KAZN: variants seen among roughly 807,000 people sequenced by gnomAD.
KAZN encodes kazrin.
In KAZN, 40 loss-of-function variants were observed where a neutral mutation model predicts 87.4. That is an observed-to-expected ratio of 0.46 (90% CI 0.36 to 0.60). The LOEUF (loss-of-function observed/expected upper bound fraction) is 0.60. Ranked by LOEUF, KAZN falls within the 20% of genes least tolerant of loss-of-function variation. KAZN has a pLI of 0.00. For synonymous variants in KAZN, 466 were observed against 458.3 expected (o/e 1.02, Z -0.22); for missense variants, 898 against 1,073.9 (o/e 0.84, Z 2.29).
rs112850882 is a variant in KAZN, at chr1:14,638,269, G to A, written c.226+39046G>A. ...CAACCCACAACGTGTGTGCACGTGCGCAAAAAATAACTGGGGTGGTGGGGC... is the reference window on the plus strand; with the variant it reads ...CAACCCACAACGTGTGTGCACGTGCACAAAAAATAACTGGGGTGGTGGGGC... On this transcript the variant is annotated intron_variant, in intron 1 of 14. Transcript: ENST00000376030. 7.3e-3 allele frequency among the ~76,000 whole-genome samples: 1,105 copies of A among 152,138 alleles called. 15 individuals carry two copies. Among genetic ancestry groups the A allele is most frequent in the African/African-American group, 0.025 (1,022 of 41,524 alleles).
chr1:14,416,895 G>A (rs1415998965), intron 2 of KAZN, among the ~76,000 whole-genome samples: 1 of 151,908 alleles, frequency 6.6e-6, no homozygotes, highest in African/African-American at 2.4e-5. Flanking sequence ...TTTAAGACCA[G>A]CCTGGGCAAC....
At chr1:14,843,637 C>T (rs778239085) in intron 1 of KAZN, among the ~76,000 whole-genome samples, 11 of 152,230 alleles carry the variant, frequency 7.2e-5, no homozygotes, top group Non-Finnish European at 1.3e-4. Flanking sequence ...CCAGCAAATT[C>T]GCCTCCCTAT....
rs376398214 is a variant in KAZN at position 14,748,970 on chromosome 1, G to A, written c.226+149747G>A. Among the ~76,000 whole-genome samples the A allele has an allele frequency of 1.1e-4, 16 of 152,316 alleles. No homozygotes were observed. The South Asian group carries it at 3.3e-3, about 32-fold the overall frequency. On this transcript the variant is annotated intron_variant, in intron 1 of 14. Coordinates refer to ENST00000376030, the MANE Select transcript of KAZN (RefSeq NM_201628.3). ...ACATCAGAATGGTCTCCTAAACTCT[G>A]TAAGAAAAAGACCACAAAGTAATCA...
intron 8 of KAZN, among the ~76,000 whole-genome samples, chr1:15,087,267 T>C (rs1304191015): frequency 6.6e-6 from 1 of 152,224 alleles, no homozygotes; most frequent in Non-Finnish European, 1.5e-5. Context: ...TAATATATTT[T>C]ATTTAACTGG....
chr1:14,232,847 T>TA (rs2100547202), intron 2 of KAZN, among the ~76,000 whole-genome samples: 1 of 152,330 alleles, frequency 6.6e-6, no homozygotes, highest in African/African-American at 2.4e-5. Context: ...TCTCAAGATG[T>TA]CAATTGCAAA....
chr1:14,365,221 G>C (rs1659873474), intron 2 of KAZN, among the ~76,000 whole-genome samples: 1 of 151,872 alleles, frequency 6.6e-6, no homozygotes, highest in Non-Finnish European at 1.5e-5. Context: ...TTTTGTTTTT[G>C]TATTTTTAGT....
chr1:14,672,772 T>G (rs1031549965), intron 1 of KAZN, among the ~76,000 whole-genome samples: 8 of 152,186 alleles, frequency 5.3e-5, no homozygotes, highest in Non-Finnish European at 1.0e-4. Context: ...CTGCCATTGC[T>G]GAGCACAGGC....
intron 2 of KAZN, among the ~76,000 whole-genome samples, chr1:14,373,642 A>G (rs1660681150): frequency 1.3e-5 from 2 of 152,218 alleles, no homozygotes; most frequent in South Asian, 4.1e-4. Context: ...AAGTTGACAC[A>G]TAAAATTAAC....
chr1:14,486,855 G>A (rs180776598), intron 2 of KAZN, among the ~76,000 whole-genome samples: 18 of 152,246 alleles, frequency 1.2e-4, no homozygotes, highest in Non-Finnish European at 1.9e-4. Context: ...CCAGGCCATC[G>A]GTTTGACCTC....
intron 1 of KAZN, among the ~76,000 whole-genome samples, chr1:14,945,529 C>A (rs1349074671): frequency 6.6e-6 from 1 of 152,174 alleles, no homozygotes; most frequent in East Asian, 1.9e-4. Context: ...GCCAGTCTGT[C>A]CTCCCTCCCT....
chr1:14,308,218 A>G (rs1242764708), intron 2 of KAZN, among the ~76,000 whole-genome samples: 2 of 152,158 alleles, frequency 1.3e-5, no homozygotes, highest in African/African-American at 4.8e-5. Context: ...TATATAGAAC[A>G]TTATTAGGAC....
At chr1:14,727,088 C>T (rs760622615) in intron 1 of KAZN, among the ~76,000 whole-genome samples, 19 of 152,136 alleles carry the variant, frequency 1.2e-4, no homozygotes, top group Non-Finnish European at 2.5e-4. Context: ...ACATTTTTTC[C>T]TATGATGTCT....
intron 1 of KAZN, among the ~76,000 whole-genome samples, chr1:14,605,580 A>G (rs1253608627): frequency 6.6e-6 from 1 of 152,248 alleles, no homozygotes; most frequent in African/African-American, 2.4e-5. Context: ...TAGAGAAAAC[A>G]AAATATTAAG....
intron 2 of KAZN, among the ~76,000 whole-genome samples, chr1:14,544,350 C>CTTTTTTTTTTTTTTTTTTT (rs374148415): frequency 2.5e-3 from 241 of 98,096 alleles, no homozygotes; most frequent in Non-Finnish European, 2.9e-3. Flanking sequence ...TTCTTTCTTT[C>CTTTTTTTTTTTTTTTTTTT]TTTTTTTTTT....
intron 2 of KAZN, among the ~76,000 whole-genome samples, chr1:14,519,547 C>T (rs769670973): frequency 5.3e-5 from 8 of 152,122 alleles, no homozygotes; most frequent in Non-Finnish European, 8.8e-5. Context: ...CACAGATTGC[C>T]TTTGGAGAGA....
At chr1:14,532,295 G>A (rs74057811) in intron 2 of KAZN, among the ~76,000 whole-genome samples, 35 of 152,024 alleles carry the variant, frequency 2.3e-4, no homozygotes, top group Non-Finnish European at 3.4e-4. Context: ...CCCCAGACCC[G>A]CCCTCACTCG....
At chr1:14,486,043 T>C (rs1016566628) in intron 2 of KAZN, among the ~76,000 whole-genome samples, 5 of 152,256 alleles carry the variant, frequency 3.3e-5, no homozygotes, top group East Asian at 1.9e-4. Flanking sequence ...AGTAAAGCTG[T>C]TCTCTTCTAC....
At chr1:14,775,565 T>G (rs1030613478) in intron 1 of KAZN, among the ~76,000 whole-genome samples, 3 of 152,110 alleles carry the variant, frequency 2.0e-5, no homozygotes, top group African/African-American at 7.2e-5. Flanking sequence ...TGACACAAGC[T>G]CAGTGGGCAG....
rs1641845278 is a variant in KAZN at position 14,700,207 on chromosome 1, G to A, written c.226+100984G>A. Among the ~76,000 whole-genome samples the A allele has an allele frequency of 2.0e-5, 3 of 152,202 alleles. No individual in the cohort carries two copies. The South Asian group carries it at 6.2e-4, about 32-fold the overall frequency. On this transcript the variant is annotated intron_variant, in intron 1 of 14. Transcript: ENST00000376030. Reference sequence around the variant, plus strand: ...GCACTGCCAGCAATATCATGGGAAGGAGGAGGACTTGCCCACGTCATTCTT... The same window carrying A: ...GCACTGCCAGCAATATCATGGGAAGAAGGAGGACTTGCCCACGTCATTCTT...
Sources: gnomAD v4.1 joint callset for allele counts (sites outside exome capture counted in the v4.1 genomes callset) on GRCh38, gnomAD v4.1.1 for gene constraint, MANE v1.5 for transcripts, NCBI Gene and HGNC (gene_info 2026-07-23, HGNC 2026-07-21) for gene names.